The following MED8 variants were observed in gnomAD, a reference collection of about 807,000 sequenced individuals.
MED8 encodes the protein mediator of RNA polymerase II transcription subunit 8.
Under a neutral mutation model 34.8 loss-of-function variants are expected in MED8, and 22 were observed. The observed-to-expected ratio is 0.63, with a 90% CI of 0.45 to 0.90. The LOEUF is 0.90. MED8 is among the 40% of genes least tolerant of loss of function. The pLI, the probability that MED8 is intolerant of heterozygous loss-of-function variation, is 0.00. For missense variants in MED8, 260 were observed against 326.3 expected, an observed-to-expected ratio of 0.80 and a Z score of 1.57; for synonymous variants, 105 against 120.2, an observed-to-expected ratio of 0.87 and a Z score of 0.83.
chr1:43,385,280 G>T, intron 6 of MED8, 174 bp from the exon 7 acceptor site: 1 of 794,590 alleles, frequency 1.3e-6, no homozygotes, highest in Non-Finnish European at 1.9e-6. Context: ...CTGTCTCCCT[G>T]AAGGTGTCCA....
Position 43,389,740 on chromosome 1 carries a change from C to T in MED8, c.6+19G>A, listed in dbSNP as rs777551193. 1.9e-6 allele frequency: 3 copies of T among 1,605,106 alleles called. No homozygotes were observed. The South Asian group carries it at 3.3e-5, about 18-fold the overall frequency. On this transcript the variant is annotated intron_variant, in intron 1 of 6. Transcript: ENST00000372457. Reference sequence around the variant, plus strand: ...ACCCGAAGCTTGCCAGCCGCTAGTACGCCCAACGCAACTCTCACCTGCATT... The same window carrying T: ...ACCCGAAGCTTGCCAGCCGCTAGTATGCCCAACGCAACTCTCACCTGCATT...
intron 1 of MED8, 52 bp from the exon 2 acceptor site, chr1:43,388,480 G>T: frequency 1.2e-6 from 2 of 1,602,216 alleles, no homozygotes; most frequent in Non-Finnish European, 8.5e-7. Flanking sequence ...ATGACACATA[G>T]AAAGGAGGGC....
In MED8 at chr1:43,387,808, G is replaced by A. The variant is rs1647786722; in HGVS notation, c.126-161C>T. ...TGGGAACAGACTAACAGGGATGACA[G>A]GGCTATGAAAGAGGGACATAGTTTC... On this transcript the variant is annotated intron_variant, in intron 2 of 6. Transcript: ENST00000372457. 9 of 735,768 alleles carry A rather than the reference G, an allele frequency of 1.2e-5. No individual in the cohort carries two copies. In the South Asian group the frequency reaches 1.7e-4, roughly 14 times the overall value. 45.6% of individuals were successfully genotyped at this position (735,768 alleles called of 1,614,324 possible).
At chr1:43,387,682 C>T in intron 2 of MED8, 35 bp from the exon 3 acceptor site, 1 of 1,611,092 alleles carries the variant, frequency 6.2e-7, no homozygotes, top group South Asian at 1.1e-5. Flanking sequence ...AATGTTGTAC[C>T]CCTTCCCTGG....
At chr1:43,389,403 T>A (rs1456887356) in intron 1 of MED8, among the ~76,000 whole-genome samples, 1 of 152,132 alleles carries the variant, frequency 6.6e-6, no homozygotes, top group African/African-American at 2.4e-5. Context: ...ACAGCCTCCA[T>A]CCAGCAGCTT....
In MED8 at chr1:43,386,384, C is replaced by G. The variant is rs1647733579; in HGVS notation, c.494-158G>C. On this transcript the variant is annotated intron_variant, in intron 5 of 6. Coordinates refer to ENST00000372457, the MANE Select transcript of MED8 (RefSeq NM_201542.5). The surrounding 1 kb of genome is among the most constrained non-coding windows in gnomAD (Gnocchi z 4.9). ...AAAAAGAGCCAGAGGACCCCCAAGC[C>G]TATCTCAGAATTCTCTCTTCTTACT... 15 of 1,096,452 alleles carry G rather than the reference C, an allele frequency of 1.4e-5. No homozygotes were observed. Among genetic ancestry groups the G allele is most frequent in the Non-Finnish European group, 2.6e-6 (2 of 783,102 alleles). 67.9% of individuals were successfully genotyped at this position (1,096,452 alleles called of 1,614,324 possible).
In MED8 at chr1:43,386,492, C is replaced by T. The variant is rs1283137297; in HGVS notation, c.493+97G>A. On this transcript the variant is annotated intron_variant, in intron 5 of 6. Coordinates refer to ENST00000372457, the MANE Select transcript of MED8 (RefSeq NM_201542.5). The surrounding 1 kb of genome is among the most constrained non-coding windows in gnomAD (Gnocchi z 4.9). ...GGATACAAACCCCAAAGCAGTTCAC[C>T]CTTGTGTCCTAACTTCACTACTTCC... The T allele has an allele frequency of 7.4e-6, 10 of 1,345,470 alleles. No homozygotes were observed. Among genetic ancestry groups the T allele is most frequent in the African/African-American group, 4.3e-5 (3 of 69,152 alleles). The allele number at this position is 1,345,470 out of a possible 1,614,324, so 83.3% of individuals were successfully genotyped here.
At position 43,386,419 on chromosome 1, in the gene MED8, T is replaced by C. The variant is rs1647734411; in HGVS notation, c.493+170A>G. 1 of 1,034,558 alleles carries C rather than the reference T, an allele frequency of 9.7e-7. No homozygotes were observed. The highest frequency in any genetic ancestry group is 2.7e-5 in the Admixed American group (1 of 37,408). 64.1% of individuals were successfully genotyped at this position (1,034,558 alleles called of 1,614,324 possible). A position where few individuals can be genotyped will look rare whatever the true frequency, so the allele number is the denominator to read the frequency against. On this transcript the variant is annotated intron_variant, in intron 5 of 6. Coordinates refer to ENST00000372457, the MANE Select transcript of MED8 (RefSeq NM_201542.5). This position sits in a 1 kb window ranked among gnomAD's most constrained non-coding sequence, Gnocchi z 4.9. ...ATTCTCTCTTCTTACTTTGCCCATTTCCTCCACTGCTTCAGTGCTGGCCTT... is the reference window on the plus strand; with the variant it reads ...ATTCTCTCTTCTTACTTTGCCCATTCCCTCCACTGCTTCAGTGCTGGCCTT...
chr1:43,386,817 T>C lies in MED8; in HGVS notation c.411+41A>G. The C allele has an allele frequency of 6.2e-7, 1 of 1,612,430 alleles. No homozygotes were observed. Among genetic ancestry groups the C allele is most frequent in the Non-Finnish European group, 8.5e-7 (1 of 1,178,958 alleles). ...AATGGTAATGCCTAGCTTCTCATGA[T>C]GGGATGGGGATGGGGCAGCAAGGCA... On this transcript the variant is annotated intron_variant, in intron 4 of 6. Coordinates refer to ENST00000372457, the MANE Select transcript of MED8 (RefSeq NM_201542.5). This position sits in a 1 kb window ranked among gnomAD's most constrained non-coding sequence, Gnocchi z 4.9.
At position 43,385,016 on chromosome 1, in the gene MED8, C is replaced by A. The variant is rs1647677541; in HGVS notation, c.*26G>T. The A allele has an allele frequency of 1.3e-6, 2 of 1,552,590 alleles. No individual in the cohort carries two copies. Among genetic ancestry groups the A allele is most frequent in the East Asian group, 2.4e-5 (1 of 41,082 alleles). On this transcript the variant is annotated 3_prime_UTR_variant, in exon 7 of 7. Transcript: ENST00000372457. Reference sequence around the variant, plus strand: ...CACTGCCCAACTCTGCAAAGAGCACCAGGGAGTCGAGGTTGCCAGCCACAC... The same window carrying A: ...CACTGCCCAACTCTGCAAAGAGCACAAGGGAGTCGAGGTTGCCAGCCACAC...
intron 1 of MED8, 144 bp from the exon 2 acceptor site, chr1:43,388,572 T>C (rs2153926003): frequency 2.2e-6 from 3 of 1,383,932 alleles, no homozygotes; most frequent in Non-Finnish European, 2.9e-6. Flanking sequence ...TTGTTTTCTA[T>C]CTTTGGTATT....
intron 3 of MED8, 68 bp from the exon 4 acceptor site, chr1:43,387,066 G>A: frequency 6.3e-7 from 1 of 1,582,024 alleles, no homozygotes; most frequent in Non-Finnish European, 8.6e-7. Flanking sequence ...CTGACATAAA[G>A]TCCCATCCAC....
In MED8 at chr1:43,385,059, G is replaced by A. The variant is rs1177778519; in HGVS notation, c.790C>T (p.His264Tyr). The change falls in exon 7 of 7, where the codon CAT becomes TAT. Residue 264 changes from histidine (H) to tyrosine (Y), a missense_variant. His to Tyr is a moderately conservative substitution (Grantham distance 83). Coordinates refer to ENST00000372457, the MANE Select transcript of MED8 (RefSeq NM_201542.5). ...IKTNIKSASM[H>Y]PYQR is the part of the protein sequence containing the mutation. Reference sequence around the variant, plus strand: ...AGCCACACTCACCGCTGGTAGGGATGCATGGAAGCCGACTTGATGTTGGTT... The same window carrying A: ...AGCCACACTCACCGCTGGTAGGGATACATGGAAGCCGACTTGATGTTGGTT... 6.4e-7 allele frequency: 1 copy of A among 1,557,522 alleles called. No homozygotes were observed. Among genetic ancestry groups the A allele is most frequent in the Non-Finnish European group, 8.7e-7 (1 of 1,149,908 alleles).
rs568288497 is a variant in MED8 at position 43,388,183 on chromosome 1, A to G, written c.125+127T>C. 3.7e-5 allele frequency: 34 copies of G among 923,350 alleles called. No individual in the cohort carries two copies. In the East Asian group the frequency reaches 8.8e-4, roughly 24 times the overall value. The allele number at this position is 923,350 out of a possible 1,614,324, so 57.2% of individuals were successfully genotyped here. A position where few individuals can be genotyped will look rare whatever the true frequency, so the allele number is the denominator to read the frequency against. On this transcript the variant is annotated intron_variant, in intron 2 of 6. Transcript: ENST00000372457. ...CCACTTGCTAAATGTTAGGAAACCCAGCTCTTTCCAAATCAAAAGATGTTT... is the reference window on the plus strand; with the variant it reads ...CCACTTGCTAAATGTTAGGAAACCCGGCTCTTTCCAAATCAAAAGATGTTT...
chr1:43,389,732 C>T (rs1648007663), intron 1 of MED8, 27 bp downstream of exon 1: 2 of 1,604,192 alleles, frequency 1.2e-6, no homozygotes, highest in Non-Finnish European at 1.7e-6. Context: ...GCTTGCCAGC[C>T]GCTAGTACGC....
In MED8 at chr1:43,387,560, G is replaced by A; in HGVS notation, c.213C>T (p.Phe71=). 6.2e-7 allele frequency: 1 copy of A among 1,614,030 alleles called. No homozygotes were observed. Among genetic ancestry groups the A allele is most frequent in the Non-Finnish European group, 8.5e-7 (1 of 1,179,894 alleles). ...KVLKHEKTPL[F]RNQVIIPLVL... is the part of the protein sequence containing the mutation. Reference sequence around the variant, plus strand: ...CCAGAGGAATGATGACCTGGTTACGGAACAGCGGTGTTTTTTCATGCTTCA... The same window carrying A: ...CCAGAGGAATGATGACCTGGTTACGAAACAGCGGTGTTTTTTCATGCTTCA... Residue 71 remains phenylalanine (F), a synonymous_variant, in exon 3 of 7, where the codon TTC becomes TTT. Coordinates refer to ENST00000372457, the MANE Select transcript of MED8 (RefSeq NM_201542.5).
At chr1:43,385,372 C>T (rs909588817) in intron 6 of MED8, 8 of 430,588 alleles carry the variant, frequency 1.9e-5, no homozygotes, top group South Asian at 1.6e-4. Context: ...TCCCATTTAA[C>T]GTCACAGGTA....
Position 43,386,932 on chromosome 1 carries a change from G to C in MED8, c.337C>G (p.Pro113Ala). ...EVVPDHLRTK[P>A]DPEVEEQEKQ... is the part of the protein sequence containing the mutation. ...TCCTGTTCTTCCACTTCAGGGTCAG[G>C]CTTGGTTCTCAGATGGTCAGGGACT... Residue 113 changes from proline (P) to alanine (A), a missense_variant, in exon 4 of 7, where the codon CCT becomes GCT. Transcript: ENST00000372457. The surrounding 1 kb of genome is among the most constrained non-coding windows in gnomAD (Gnocchi z 4.9). The C allele has an allele frequency of 6.2e-7, 1 of 1,613,992 alleles. No homozygotes were observed. Among genetic ancestry groups the C allele is most frequent in the Non-Finnish European group, 8.5e-7 (1 of 1,179,896 alleles).
intron 2 of MED8, 143 bp downstream of exon 2, chr1:43,388,167 A>C (rs1647814988): frequency 1.2e-6 from 1 of 801,114 alleles, no homozygotes; most frequent in Non-Finnish European, 1.9e-6. Flanking sequence ...TCCACTTGCT[A>C]AATGTTAGGA....
Sources: gnomAD v4.1 joint callset for allele counts (sites outside exome capture counted in the v4.1 genomes callset) on GRCh38, gnomAD v4.1.1 for gene constraint, Gnocchi (gnomAD v3.1) non-coding constraint, MANE v1.5 for transcripts, NCBI Gene and HGNC (gene_info 2026-07-23, HGNC 2026-07-21) for gene names.